TEX26: variants seen among roughly 807,000 people sequenced by gnomAD.
The protein encoded by TEX26 is testis expressed 26, also known as testis-expressed protein 26.
A neutral mutation model predicts 35.3 loss-of-function variants in TEX26; 34 were observed. The ratio of observed to expected loss-of-function variants is 0.96; its 90% CI spans 0.73 to 1.28. TEX26 has a LOEUF of 1.28. Ranked by LOEUF, TEX26 falls within the 50% of genes most tolerant of loss-of-function variation. The pLI, the probability that TEX26 is intolerant of heterozygous loss-of-function variation, is 0.00. For synonymous variants in TEX26, 136 were observed against 111.8 expected (o/e 1.22, Z -1.36); for missense variants, 371 against 330.1 (o/e 1.12, Z -0.96).
intron 6 of TEX26, 119 bp downstream of exon 6, chr13:30,969,165 T>G: frequency 3.3e-6 from 2 of 606,246 alleles, no homozygotes; most frequent in African/African-American, 2.1e-5. Context: ...AAACATTGCC[T>G]CAAAAAAAAA....
intron 1 of TEX26, among the ~76,000 whole-genome samples, chr13:30,934,976 G>A (rs2138153691): frequency 6.6e-6 from 1 of 152,332 alleles, no homozygotes; most frequent in Non-Finnish European, 1.5e-5. Flanking sequence ...CCAAGTTGGT[G>A]GGGCAAGAGC....
Position 30,964,969 on chromosome 13 carries a change from C to T in TEX26, c.470-1253C>T, listed in dbSNP as rs150294911. Among the ~76,000 whole-genome samples, 403 of 152,284 alleles carry T rather than the reference C, an allele frequency of 2.6e-3. 2 individuals carry two copies. The highest frequency in any genetic ancestry group is 9.1e-3 in the African/African-American group (380 of 41,564). On this transcript the variant is annotated intron_variant, in intron 4 of 6. Coordinates refer to ENST00000380473, the MANE Select transcript of TEX26 (RefSeq NM_152325.3). ...GCATTAGGGATTAAGTTTGCTTTTG[C>T]GGGGACACATTCAAATCATAGCACT...
At chr13:30,971,572 A>G (rs1184243841) in intron 6 of TEX26, among the ~76,000 whole-genome samples, 1 of 152,226 alleles carries the variant, frequency 6.6e-6, no homozygotes, top group Non-Finnish European at 1.5e-5. Context: ...CTCCAATATG[A>G]CAAAAACTAA....
At chr13:30,969,125 G>A in intron 6 of TEX26, 79 bp downstream of exon 6, 2 of 1,299,158 alleles carry the variant, frequency 1.5e-6, no homozygotes, top group Non-Finnish European at 1.0e-6. Flanking sequence ...CCAAGTTCTA[G>A]CCACTGGAGT....
chr13:30,953,911 C>T (rs1184749063), intron 3 of TEX26, among the ~76,000 whole-genome samples: 1 of 152,166 alleles, frequency 6.6e-6, no homozygotes, highest in Non-Finnish European at 1.5e-5. Flanking sequence ...GTAGAATGAA[C>T]AGGATTTGAT....
At position 30,968,890 on chromosome 13, in the gene TEX26, T is replaced by G; in HGVS notation, c.652T>G (p.Ser218Ala). 2 of 1,613,334 alleles carry G rather than the reference T, an allele frequency of 1.2e-6. No individual in the cohort carries two copies. The highest frequency in any genetic ancestry group is 1.7e-6 in the Non-Finnish European group (2 of 1,179,644). The change falls in exon 6 of 7, where the codon TCT becomes GCT. Residue 218 changes from serine (S) to alanine (A), a missense_variant. Ser to Ala is a moderately conservative substitution (Grantham distance 99). Transcript: ENST00000380473. ...TCCCCTGTGTATTTCTATAGTGCCT[T>G]CTGTGCTGCACAGCTACCTGAGGAA... ...LPVASQGLVP[S>A]VLHSYLRNQE...
chr13:30,951,341 G>A (rs1448181142), intron 2 of TEX26, among the ~76,000 whole-genome samples: 2 of 133,312 alleles, frequency 1.5e-5, no homozygotes, highest in East Asian at 2.1e-4. Flanking sequence ...AGGCAACAGA[G>A]CAAGACTCTG....
intron 5 of TEX26, among the ~76,000 whole-genome samples, chr13:30,967,320 A>G (rs1954572692): frequency 6.6e-6 from 1 of 152,098 alleles, no homozygotes; most frequent in African/African-American, 2.4e-5. Context: ...CCAGAGCCTC[A>G]TATGTGTGAC....
At chr13:30,956,003 ATCTC>A (rs1428324696) in intron 3 of TEX26, among the ~76,000 whole-genome samples, 1 of 152,004 alleles carries the variant, frequency 6.6e-6, no homozygotes, top group Non-Finnish European at 1.5e-5. Context: ...TCATCCTAAA[ATCTC>A]TCTTTTTTAA....
At position 30,941,507 on chromosome 13, in the gene TEX26, C is replaced by A. The variant is rs114756428; in HGVS notation, c.146+1729C>A. 8.9e-3 allele frequency among the ~76,000 whole-genome samples: 1,354 copies of A among 152,240 alleles called. 22 individuals carry two copies. The highest frequency in any genetic ancestry group is 0.03 in the African/African-American group (1,260 of 41,544). On this transcript the variant is annotated intron_variant, in intron 2 of 6. Transcript: ENST00000380473. Reference sequence around the variant, plus strand: ...TATAAAAATTTTAACTTTTTTATTTCAATAGCTTTTGCGGTACAGGTGGTT... The same window carrying A: ...TATAAAAATTTTAACTTTTTTATTTAAATAGCTTTTGCGGTACAGGTGGTT...
At chr13:30,972,785 C>T (rs963229991) in intron 6 of TEX26, among the ~76,000 whole-genome samples, 2 of 152,242 alleles carry the variant, frequency 1.3e-5, no homozygotes, top group Admixed American at 6.5e-5. Flanking sequence ...CAGGTGTGCA[C>T]CACCACGCCC....
At chr13:30,972,199 T>A (rs749257772) in intron 6 of TEX26, among the ~76,000 whole-genome samples, 21 of 152,152 alleles carry the variant, frequency 1.4e-4, no homozygotes, top group Non-Finnish European at 2.6e-4. Flanking sequence ...GTCCTATAAG[T>A]CTTAAAGATG....
chr13:30,948,163 T>C (rs965610013), intron 2 of TEX26, among the ~76,000 whole-genome samples: 1 of 152,154 alleles, frequency 6.6e-6, no homozygotes, highest in African/African-American at 2.4e-5. Flanking sequence ...GGTTGGTTCC[T>C]AGTCTTTGCT....
chr13:30,946,646 C>T lies in TEX26; in HGVS notation c.147-6014C>T, dbSNP rs184620432. ...TCTTTTTTCCCCCTTAAGGATGTGA[C>T]CTTAATGTTTACAGTTTATTACAGC... On this transcript the variant is annotated intron_variant, in intron 2 of 6. Transcript: ENST00000380473. Among the ~76,000 whole-genome samples, 237 of 151,772 alleles carry T rather than the reference C, an allele frequency of 1.6e-3. 13 individuals carry two copies. Among genetic ancestry groups the T allele is most frequent in the Middle Eastern group, 3.4e-3 (1 of 294 alleles).
At chr13:30,973,187 A>C (rs1047758108) in intron 6 of TEX26, 2 of 152,276 alleles carry the variant, frequency 1.3e-5, no homozygotes, top group Non-Finnish European at 2.9e-5. Context: ...ATATAATGAA[A>C]TACCACTCAA....
intron 6 of TEX26, among the ~76,000 whole-genome samples, chr13:30,974,156 A>ATATAT (rs1566172295): frequency 7.7e-5 from 11 of 142,284 alleles, no homozygotes; most frequent in South Asian, 2.3e-4. Flanking sequence ...ATATATATAT[A>ATATAT]ATTAGGAGTA....
rs760102471 is a variant in TEX26, at chr13:30,956,946, C to T, written c.386C>T (p.Pro129Leu). ...TLKNCLPWKI[P>L]ASMKEVNKAL... ...AAGAACTGCCTCCCTTGGAAAATCC[C>T]GGCTTCAATGAAAGAAGTTAACAAG... is the stretch of plus-strand genomic sequence containing the variant. The change falls in exon 4 of 7, where the codon CCG becomes CTG. Residue 129 changes from proline to leucine, a missense_variant. Pro to Leu is a moderately conservative substitution (Grantham distance 98). Transcript: ENST00000380473. 1.7e-5 allele frequency: 28 copies of T among 1,614,048 alleles called. No individual in the cohort carries two copies. The highest frequency in any genetic ancestry group is 2.1e-5 in the Non-Finnish European group (25 of 1,180,022).
chr13:30,945,607 T>A (rs890187656), intron 2 of TEX26, among the ~76,000 whole-genome samples: 2 of 151,942 alleles, frequency 1.3e-5, no homozygotes, highest in South Asian at 2.1e-4. Flanking sequence ...GAACTCCTTT[T>A]AGCATTTCTT....
At position 30,956,634 on chromosome 13, in the gene TEX26, T is replaced by C. The variant is rs560257757; in HGVS notation, c.313-239T>C. 1.7e-4 allele frequency among the ~76,000 whole-genome samples: 26 copies of C among 152,292 alleles called. No individual in the cohort carries two copies. The South Asian group carries it at 5.4e-3, about 32-fold the overall frequency. The stretch of plus-strand genomic sequence containing the variant: ...GACTTCTGGTTGGAAGCACAACTCT[T>C]TGAAGTTTTCAATCTCATTTTCTCA... On this transcript the variant is annotated intron_variant, in intron 3 of 6. Transcript: ENST00000380473.
Sources: gnomAD v4.1 joint callset for allele counts (sites outside exome capture counted in the v4.1 genomes callset) on GRCh38, gnomAD v4.1.1 for gene constraint, MANE v1.5 for transcripts, NCBI Gene and HGNC (gene_info 2026-07-23, HGNC 2026-07-21) for gene names.